The following CCDC138 variants were observed in gnomAD, a reference collection of about 807,000 sequenced individuals.
CCDC138 encodes coiled-coil domain-containing protein 138.
CCDC138 carries 66 observed loss-of-function variants against 82.3 expected under a neutral mutation model. That is an observed-to-expected ratio of 0.80 (90% confidence interval 0.66 to 0.98). CCDC138 has a LOEUF of 0.98. CCDC138 is among the 50% of genes least tolerant of loss of function. CCDC138 has a pLI of 0.00. For missense variants in CCDC138, 816 were observed against 758.9 expected, an observed-to-expected ratio of 1.08 and a Z score of -0.88; for synonymous variants, 297 against 265.4, an observed-to-expected ratio of 1.12 and a Z score of -1.16.
chr2:108,877,230 G>A (rs908130235), downstream of CCDC138, among the ~76,000 whole-genome samples: 2 of 152,150 alleles, frequency 1.3e-5, no homozygotes, highest in Non-Finnish European at 2.9e-5. Context: ...CACTCTAGGA[G>A]GCTGAGGTGG....
intron 13 of CCDC138, among the ~76,000 whole-genome samples, chr2:108,869,952 C>T (rs182609036): frequency 3.0e-4 from 45 of 152,290 alleles, no homozygotes; most frequent in Admixed American, 7.8e-4. Flanking sequence ...CAGAAACTAT[C>T]CTGTAAAGAC....
intron 4 of CCDC138, 151 bp from the exon 5 acceptor site, chr2:108,794,389 T>G: frequency 1.5e-6 from 1 of 687,404 alleles, no homozygotes; most frequent in African/African-American, 1.8e-5. Context: ...TGTTACCACT[T>G]TACCATATTT....
chr2:108,832,451 G>C (rs1418094099), intron 10 of CCDC138, among the ~76,000 whole-genome samples: 1 of 148,966 alleles, frequency 6.7e-6, no homozygotes, highest in Non-Finnish European at 1.5e-5. Context: ...AAGTTCAAGC[G>C]ATTCTCCTGC....
chr2:108,835,818 C>G (rs1688482621), intron 10 of CCDC138, among the ~76,000 whole-genome samples: 1 of 152,218 alleles, frequency 6.6e-6, no homozygotes, highest in Non-Finnish European at 1.5e-5. Context: ...TGAGACTGCA[C>G]AATCTGTAAA....
rs544690128 is a variant in CCDC138, at chr2:108,819,296, G to A, written c.1206+3191G>A. On this transcript the variant is annotated intron_variant, in intron 10 of 14. Coordinates refer to ENST00000295124, the MANE Select transcript of CCDC138 (RefSeq NM_144978.3). The stretch of plus-strand genomic sequence containing the variant: ...TGTGTTCCCCTGCCGGTATAGCGCA[G>A]TGCAACCAGGAGGAAATTTCCTATT... Among the ~76,000 whole-genome samples, 124 of 152,308 alleles carry A rather than the reference G, an allele frequency of 8.1e-4. 1 individual carries two copies. The highest frequency in any genetic ancestry group is 3.4e-3 in the Middle Eastern group (1 of 294).
intron 13 of CCDC138, among the ~76,000 whole-genome samples, chr2:108,864,008 G>T (rs1035551267): frequency 6.6e-6 from 1 of 152,114 alleles, no homozygotes; most frequent in Non-Finnish European, 1.5e-5. Flanking sequence ...CAGAATCTCT[G>T]TTTCTAAGAT....
chr2:108,877,370 G>T (rs577769831), downstream of CCDC138, among the ~76,000 whole-genome samples: 31 of 152,198 alleles, frequency 2.0e-4, no homozygotes, highest in African/African-American at 7.5e-4. Flanking sequence ...GGAGGCTGAG[G>T]CAGGAGAACC....
chr2:108,830,373 T>C lies in CCDC138; in HGVS notation c.1207-8812T>C, dbSNP rs772393983. ...AACAGTGTGATTACACTTAATGCCA[T>C]TGGTAAATTTTAAGTTATGTATATT... is the stretch of plus-strand genomic sequence containing the variant. On this transcript the variant is annotated intron_variant, in intron 10 of 14. Coordinates refer to ENST00000295124, the MANE Select transcript of CCDC138 (RefSeq NM_144978.3). Among the ~76,000 whole-genome samples, 5 of 152,212 alleles carry C rather than the reference T, an allele frequency of 3.3e-5. No individual in the cohort carries two copies. The East Asian group carries it at 7.7e-4, about 23-fold the overall frequency.
chr2:108,865,943 T>C (rs1224962092), intron 13 of CCDC138, among the ~76,000 whole-genome samples: 1 of 151,964 alleles, frequency 6.6e-6, no homozygotes, highest in Non-Finnish European at 1.5e-5. Flanking sequence ...CTAGAAAACT[T>C]TGGACATTAG....
chr2:108,855,225 T>G (rs558280201), intron 12 of CCDC138, among the ~76,000 whole-genome samples: 1 of 152,120 alleles, frequency 6.6e-6, no homozygotes, highest in Non-Finnish European at 1.5e-5. Flanking sequence ...AAAGATAAGG[T>G]CACTTGTGAA....
chr2:108,813,856 G>GC (rs1339234370), intron 9 of CCDC138, among the ~76,000 whole-genome samples: 1 of 152,096 alleles, frequency 6.6e-6, no homozygotes, highest in Non-Finnish European at 1.5e-5. Flanking sequence ...TTGGTCAGTG[G>GC]AATTGTATTG....
intron 5 of CCDC138, among the ~76,000 whole-genome samples, chr2:108,797,170 G>A (rs1681050947): frequency 6.6e-6 from 1 of 152,140 alleles, no homozygotes; most frequent in Non-Finnish European, 1.5e-5. Flanking sequence ...AAGGGTATAA[G>A]GAATGAGAAG....
chr2:108,849,259 T>TA (rs1198598542), intron 12 of CCDC138, among the ~76,000 whole-genome samples: 3 of 152,182 alleles, frequency 2.0e-5, no homozygotes, highest in African/African-American at 7.2e-5. Context: ...ATTATGTACT[T>TA]AGAGTCTATG....
intron 11 of CCDC138, among the ~76,000 whole-genome samples, chr2:108,844,099 C>T (rs972947321): frequency 2.0e-5 from 3 of 151,606 alleles, no homozygotes; most frequent in East Asian, 1.9e-4. Context: ...CAGGCTCAAG[C>T]GATCTTCCAT....
At chr2:108,811,679 C>T (rs1302656927) in intron 7 of CCDC138, among the ~76,000 whole-genome samples, 1 of 152,032 alleles carries the variant, frequency 6.6e-6, no homozygotes, top group Non-Finnish European at 1.5e-5. Flanking sequence ...TATTGTGTAA[C>T]AGTGAGGTCT....
At chr2:108,873,410 G>A (rs371581834) in intron 13 of CCDC138, 41 bp from the exon 14 acceptor site, 24 of 1,424,250 alleles carry the variant, frequency 1.7e-5, no homozygotes, top group East Asian at 7.7e-5. Flanking sequence ...TTCCTTTTTC[G>A]CTACTCCCTA....
At chr2:108,795,804 G>C (rs1680769728) in intron 5 of CCDC138, among the ~76,000 whole-genome samples, 1 of 152,128 alleles carries the variant, frequency 6.6e-6, no homozygotes, top group Non-Finnish European at 1.5e-5. Flanking sequence ...GCATTTATTA[G>C]CCTGTCTGGA....
intron 13 of CCDC138, among the ~76,000 whole-genome samples, chr2:108,862,702 AATATCCCAGAAAAAT>A (rs985683808): frequency 6.6e-6 from 1 of 152,210 alleles, no homozygotes; most frequent in Non-Finnish European, 1.5e-5. Flanking sequence ...AAAACCAACA[AATATCCCAGAAAAAT>A]ATATCTTTGC....
chr2:108,811,241 C>CTTTT (rs1683785990), intron 7 of CCDC138, among the ~76,000 whole-genome samples: 1 of 46,820 alleles, frequency 2.1e-5, no homozygotes, highest in Admixed American at 2.7e-4. Context: ...CTTTCTTTCT[C>CTTTT]TCTCTCTTTT....
Sources: allele counts gnomAD v4.1 joint callset (sites outside exome capture counted in the v4.1 genomes callset), GRCh38; gene constraint gnomAD v4.1.1; transcripts MANE v1.5; gene names NCBI Gene and HGNC (gene_info 2026-07-23, HGNC 2026-07-21).